The following USH2A variants were observed in gnomAD, a reference collection of about 807,000 sequenced individuals.
USH2A encodes usherin.
In USH2A, 443 loss-of-function variants were observed where a neutral mutation model predicts 538.9. The ratio of observed to expected loss-of-function variants is 0.82; its 90% CI spans 0.76 to 0.89. The LOEUF (loss-of-function observed/expected upper bound fraction) is 0.89. USH2A is among the 40% of genes least tolerant of loss of function. The probability of loss-of-function intolerance (pLI) is 0.00; values close to 1 mark genes in which losing one functional copy is unlikely to be tolerated. For missense variants in USH2A, 6,633 were observed against 6,324.8 expected (o/e 1.05, Z -1.65); for synonymous variants, 2,413 against 2,273.5 (o/e 1.06, Z -1.75).
chr1:215,708,079 G>C (rs1051521248), intron 61 of USH2A, among the ~76,000 whole-genome samples: 1 of 152,100 alleles, frequency 6.6e-6, no homozygotes, highest in Non-Finnish European at 1.5e-5. Flanking sequence ...AGAAGACAGT[G>C]GGAAGAAGGA....
chr1:216,162,798 T>C (rs1204442824), intron 21 of USH2A, among the ~76,000 whole-genome samples: 1 of 152,070 alleles, frequency 6.6e-6, no homozygotes, highest in East Asian at 1.9e-4. Flanking sequence ...CATCCTTAGC[T>C]CTATGTTGCC....
At chr1:215,655,298 A>G (rs975734676) in intron 64 of USH2A, among the ~76,000 whole-genome samples, 4 of 152,238 alleles carry the variant, frequency 2.6e-5, no homozygotes, top group African/African-American at 9.6e-5. Context: ...TCAAATAAAC[A>G]CAATAAATGT....
chr1:216,190,099 G>C, intron 20 of USH2A, 124 bp downstream of exon 20: 1 of 1,359,194 alleles, frequency 7.4e-7, no homozygotes, highest in Non-Finnish European at 1.0e-6. Context: ...GAGGTAAGAA[G>C]CAATCAGAGT....
chr1:215,852,940 G>A (rs964676136), intron 44 of USH2A, among the ~76,000 whole-genome samples: 1 of 152,162 alleles, frequency 6.6e-6, no homozygotes, highest in African/African-American at 2.4e-5. Flanking sequence ...GCTTTTCCAG[G>A]TGCACAGTGC....
intron 3 of USH2A, among the ~76,000 whole-genome samples, chr1:216,382,818 C>T (rs1293874754): frequency 6.6e-6 from 1 of 151,954 alleles, no homozygotes; most frequent in East Asian, 1.9e-4. Flanking sequence ...CGAATGGACA[C>T]TAGAGTACAT....
Position 216,386,358 on chromosome 1 carries a change from G to A in USH2A, c.652-21273C>T, listed in dbSNP as rs1174984266. Among the ~76,000 whole-genome samples, 4 of 150,848 alleles carry A rather than the reference G, an allele frequency of 2.7e-5. No homozygotes were observed. The South Asian group carries it at 6.3e-4, about 24-fold the overall frequency. On this transcript the variant is annotated intron_variant, in intron 3 of 71. Transcript: ENST00000307340. ...TAAAAATACAAAAAATTTGCTGGTC[G>A]TGGTGGCGGGCGCCTGTAGTCCAAG...
At chr1:215,802,051 A>T (rs1662350003) in intron 49 of USH2A, among the ~76,000 whole-genome samples, 1 of 151,972 alleles carries the variant, frequency 6.6e-6, no homozygotes, top group African/African-American at 2.4e-5. Flanking sequence ...AGAATGTTGG[A>T]AAAGTTGAAT....
chr1:216,007,857 A>C (rs1668444667), intron 32 of USH2A, among the ~76,000 whole-genome samples: 1 of 152,226 alleles, frequency 6.6e-6, no homozygotes, highest in South Asian at 2.1e-4. Flanking sequence ...CTTACTACTA[A>C]GTTGCATGGG....
At chr1:215,820,945 A>G (rs923177005) in intron 47 of USH2A, among the ~76,000 whole-genome samples, 1 of 151,778 alleles carries the variant, frequency 6.6e-6, no homozygotes, top group African/African-American at 2.4e-5. Flanking sequence ...GCTGAATAAG[A>G]GTCCATTGTG....
chr1:216,135,077 C>T (rs1343400431), intron 21 of USH2A, among the ~76,000 whole-genome samples: 2 of 151,226 alleles, frequency 1.3e-5, no homozygotes, highest in African/African-American at 4.9e-5. Flanking sequence ...TTGTACACCA[C>T]TGCTACAGTT....
chr1:216,011,175 C>T (rs932741086), intron 32 of USH2A, among the ~76,000 whole-genome samples: 1 of 152,136 alleles, frequency 6.6e-6, no homozygotes, highest in Admixed American at 6.5e-5. Context: ...CCTATCCACC[C>T]CATGGTGCCA....
intron 71 of USH2A, 116 bp from the exon 72 acceptor site, chr1:215,625,986 T>C: frequency 1.0e-6 from 1 of 1,001,716 alleles, no homozygotes. Flanking sequence ...GCTTTTTTAT[T>C]CTCAACACCA....
chr1:215,665,580 C>T (rs774996516), intron 64 of USH2A, among the ~76,000 whole-genome samples: 24 of 152,262 alleles, frequency 1.6e-4, no homozygotes, highest in Non-Finnish European at 3.1e-4. Flanking sequence ...AGCTCACTCC[C>T]CAAAGGTAAA....
chr1:216,116,177 C>A (rs189617774), intron 21 of USH2A, among the ~76,000 whole-genome samples: 297 of 151,772 alleles, frequency 2.0e-3, no homozygotes, highest in African/African-American at 5.4e-3. Flanking sequence ...CAAATAAGAT[C>A]CAGGTGCATG....
At chr1:216,144,321 T>C (rs2033652873) in intron 21 of USH2A, among the ~76,000 whole-genome samples, 1 of 151,964 alleles carries the variant, frequency 6.6e-6, no homozygotes, top group Admixed American at 6.6e-5. Context: ...GAACAAATTA[T>C]GCATTCTGGA....
chr1:215,719,992 T>C (rs1425091940), intron 61 of USH2A, among the ~76,000 whole-genome samples: 2 of 152,188 alleles, frequency 1.3e-5, no homozygotes, highest in Non-Finnish European at 2.9e-5. Context: ...TTTAGTTATA[T>C]AATAGGATGT....
chr1:215,879,048 C>G lies in USH2A; in HGVS notation c.8274G>C (p.Glu2758Asp), dbSNP rs1461230579. Residue 2758 changes from glutamate (E) to aspartate (D), a missense_variant, in exon 42 of 72, where the codon GAG becomes GAC. By Grantham distance (45) the Glu-to-Asp change is conservative (BLOSUM62 2). Coordinates refer to ENST00000307340, the MANE Select transcript of USH2A (RefSeq NM_206933.4). ...LIQNGDILSYEIHMPDPHITL... is the reference protein window; with the variant it reads ...LIQNGDILSYDIHMPDPHITL... ...TGATGTGAGGGTCAGGCATGTGAATCTCATAGCTAAGTATGTCTCCGTTCT... is the reference window on the plus strand; with the variant it reads ...TGATGTGAGGGTCAGGCATGTGAATGTCATAGCTAAGTATGTCTCCGTTCT... The G allele has an allele frequency of 6.2e-7, 1 of 1,613,938 alleles. No homozygotes were observed. Among genetic ancestry groups the G allele is most frequent in the Non-Finnish European group, 8.5e-7 (1 of 1,179,976 alleles).
intron 49 of USH2A, among the ~76,000 whole-genome samples, chr1:215,807,477 T>C (rs1662535668): frequency 6.6e-6 from 1 of 152,158 alleles, no homozygotes; most frequent in African/African-American, 2.4e-5. Context: ...CCTCTATTTG[T>C]CAATAGTGGT....
At chr1:215,798,770 A>G (rs901849733) in intron 50 of USH2A, 137 bp downstream of exon 50, 18 of 1,005,904 alleles carry the variant, frequency 1.8e-5, no homozygotes, top group Non-Finnish European at 2.8e-5. Context: ...GTGTTAAACA[A>G]TATGTTCCTA....
Sources: allele counts gnomAD v4.1 joint callset (sites outside exome capture counted in the v4.1 genomes callset), GRCh38; gene constraint gnomAD v4.1.1; transcripts MANE v1.5; gene names NCBI Gene and HGNC (gene_info 2026-07-23, HGNC 2026-07-21).